Variants in RP1 observed in about 807,000 individuals in gnomAD.
RP1 encodes RP1 axonemal microtubule associated, also known as oxygen-regulated protein 1.
RP1 carries 16 observed loss-of-function variants against 14.8 expected under a neutral mutation model. That is an observed-to-expected ratio of 1.08 (90% CI 0.73 to 1.65). The LOEUF is 1.65. RP1 is among the 40% of genes most tolerant of loss of function. The pLI, the probability that RP1 is intolerant of heterozygous loss-of-function variation, is 0.00. For missense variants in RP1, 2,631 were observed against 2,535.0 expected, an observed-to-expected ratio of 1.04 and a Z score of -0.81; for synonymous variants, 876 against 883.6, an observed-to-expected ratio of 0.99 and a Z score of 0.15.
At chr8:54,819,996 C>G (rs1427944435) in intron 24 of RP1, among the ~76,000 whole-genome samples, 1 of 152,132 alleles carries the variant, frequency 6.6e-6, no homozygotes, top group Admixed American at 6.5e-5. Context: ...CCCAATGGCT[C>G]TTAGTCAGCA....
At chr8:54,569,221 A>C (rs1395905073) in intron 1 of RP1, among the ~76,000 whole-genome samples, 1 of 152,196 alleles carries the variant, frequency 6.6e-6, no homozygotes, top group Admixed American at 6.5e-5. Flanking sequence ...CACACAGCAC[A>C]CAAAGACCAG....
At chr8:54,853,692 C>A (rs1396216893) in intron 26 of RP1, among the ~76,000 whole-genome samples, 1 of 149,332 alleles carries the variant, frequency 6.7e-6, no homozygotes, top group African/African-American at 2.5e-5. Context: ...AGGAGAATTG[C>A]TTGAGCCTAG....
At chr8:54,600,289 A>G (rs112832946) in intron 1 of RP1, among the ~76,000 whole-genome samples, 351 of 152,266 alleles carry the variant, frequency 2.3e-3, no homozygotes, top group African/African-American at 7.7e-3. Context: ...ATCTTCTGCC[A>G]TGATTGTGAG....
rs1362504340 is a variant in RP1, at chr8:54,858,591, C to T, written c.4069+1485C>T. ...GTCACTGTAGAGCAGTGTCTGTAGG[C>T]TGGTATCACTGCAGAGTGCTGTGAC... On this transcript the variant is annotated intron_variant, in intron 27 of 28. Transcript: ENST00000637698. Among the ~76,000 whole-genome samples the T allele has an allele frequency of 2.7e-5, 4 of 150,372 alleles. No homozygotes were observed. The East Asian group carries it at 8.0e-4, about 30-fold the overall frequency.
At chr8:54,743,162 CTCAAA>C (rs1809140441) in intron 19 of RP1, among the ~76,000 whole-genome samples, 1 of 152,260 alleles carries the variant, frequency 6.6e-6, no homozygotes, top group Middle Eastern at 3.4e-3. Context: ...GAAGAAAGAA[CTCAAA>C]TTTCACTCAG....
chr8:54,761,268 G>C (rs1585669675), intron 22 of RP1, among the ~76,000 whole-genome samples: 1 of 111,500 alleles, frequency 9.0e-6, no homozygotes, highest in Admixed American at 1.3e-4. Flanking sequence ...ACGGAGTCTT[G>C]CTCTGTCACA....
intron 1 of RP1, among the ~76,000 whole-genome samples, chr8:54,568,296 A>G (rs1038256886): frequency 1.3e-5 from 2 of 152,232 alleles, no homozygotes; most frequent in Non-Finnish European, 2.9e-5. Flanking sequence ...GAAAAAAGTC[A>G]GAATCTTTTT....
At chr8:54,870,024 G>T in exon 29 of RP1, 2 of 650,996 alleles carry the variant, frequency 3.1e-6, no homozygotes, top group Non-Finnish European at 4.4e-6. Context: ...TCTTTTGCTT[G>T]GGCTGGAGCA....
chr8:54,809,326 G>T lies in RP1; in HGVS notation c.3615+25616G>T, dbSNP rs1415066255. Among the ~76,000 whole-genome samples, 3 of 152,232 alleles carry T rather than the reference G, an allele frequency of 2.0e-5. No homozygotes were observed. The East Asian group carries it at 5.8e-4, about 29-fold the overall frequency. On this transcript the variant is annotated intron_variant, in intron 24 of 28. Coordinates refer to the RP1 transcript ENST00000637698. ...TCTTCATTCTGTGATGCAAAACTTGGGTTGGTATCTGTGGGAGTTATGTAT... is the reference window on the plus strand; with the variant it reads ...TCTTCATTCTGTGATGCAAAACTTGTGTTGGTATCTGTGGGAGTTATGTAT...
chr8:54,627,331 C>T lies in RP1; in HGVS notation c.3449C>T (p.Ala1150Val), dbSNP rs1007629051. The T allele has an allele frequency of 1.8e-5, 29 of 1,614,136 alleles. No individual in the cohort carries two copies. The highest frequency in any genetic ancestry group is 2.2e-5 in the Non-Finnish European group (26 of 1,179,982). ...GSMNSFCQVD[A>V]HKATNKSSET... ...ATGAATAGCTTCTGTCAAGTTGATGCTCACAAGGCTACCAACAAATCTTCA... is the reference window on the plus strand; with the variant it reads ...ATGAATAGCTTCTGTCAAGTTGATGTTCACAAGGCTACCAACAAATCTTCA... The change falls in exon 4 of 4, where the codon GCT becomes GTT. Residue 1150 changes from alanine (A) to valine (V), a missense_variant. Coordinates refer to ENST00000220676, the MANE Select transcript of RP1 (RefSeq NM_006269.2).
intron 25 of RP1, among the ~76,000 whole-genome samples, chr8:54,848,019 C>T (rs1417434611): frequency 1.3e-5 from 2 of 152,208 alleles, no homozygotes; most frequent in Admixed American, 1.3e-4. Flanking sequence ...TTAATCTGCT[C>T]TTAATTTTAG....
At chr8:54,856,447 T>G (rs546609148) in intron 26 of RP1, among the ~76,000 whole-genome samples, 132 of 152,274 alleles carry the variant, frequency 8.7e-4, no homozygotes, top group African/African-American at 3.0e-3. Context: ...TGTATATGTA[T>G]GTACATATAC....
At chr8:54,781,300 C>T (rs1810181073) in intron 23 of RP1, among the ~76,000 whole-genome samples, 1 of 152,070 alleles carries the variant, frequency 6.6e-6, no homozygotes, top group Non-Finnish European at 1.5e-5. Flanking sequence ...GTGGAATTTT[C>T]CTTCTTCCTT....
At chr8:54,652,247 C>T (rs1806670312) in intron 4 of RP1, among the ~76,000 whole-genome samples, 1 of 152,112 alleles carries the variant, frequency 6.6e-6, no homozygotes, top group Non-Finnish European at 1.5e-5. Flanking sequence ...ACCTCATGAT[C>T]CACCTGCCTT....
chr8:54,757,120 G>T (rs1809526996), intron 21 of RP1, among the ~76,000 whole-genome samples: 1 of 152,134 alleles, frequency 6.6e-6, no homozygotes, highest in South Asian at 2.1e-4. Flanking sequence ...TAATGGAAAT[G>T]CCAAATAATT....
At chr8:54,767,059 A>T (rs1809777720) in intron 22 of RP1, among the ~76,000 whole-genome samples, 1 of 152,166 alleles carries the variant, frequency 6.6e-6, no homozygotes. Flanking sequence ...ATCTGAGAAA[A>T]GTAGGATGGT....
chr8:54,860,444 C>T (rs1371315244), intron 27 of RP1, among the ~76,000 whole-genome samples: 1 of 152,082 alleles, frequency 6.6e-6, no homozygotes. Flanking sequence ...ATATAGAAAG[C>T]TTCAGTAAAG....
intron 8 of RP1, among the ~76,000 whole-genome samples, chr8:54,678,120 T>TA (rs979907012): frequency 2.0e-5 from 3 of 152,170 alleles, no homozygotes; most frequent in African/African-American, 7.2e-5. Flanking sequence ...TCATCGAGTA[T>TA]ATATTCTTTG....
chr8:54,794,001 G>T (rs2129385810), intron 24 of RP1, among the ~76,000 whole-genome samples: 1 of 151,894 alleles, frequency 6.6e-6, no homozygotes, highest in South Asian at 2.1e-4. Context: ...TAAAAAATCT[G>T]TTGCATTTTC....
Sources: gnomAD v4.1 joint callset for allele counts (sites outside exome capture counted in the v4.1 genomes callset) on GRCh38, gnomAD v4.1.1 for gene constraint, MANE v1.5 for transcripts, NCBI Gene and HGNC (gene_info 2026-07-23, HGNC 2026-07-21) for gene names.